The following SLC60A1 variants were observed in gnomAD, a reference collection of about 807,000 sequenced individuals.
SLC60A1 encodes the protein major facilitator superfamily domain containing 4.
chr1:205,599,211 GCTC>G, the SLC60A1 span: 1 of 1,614,032 alleles, frequency 6.2e-7, no homozygotes, highest in Admixed American at 1.7e-5. Context: ...TCTATATCTT[GCTC>G]CTGTTTTTCC....
At chr1:205,600,560 A>G in the SLC60A1 span, 132 of 1,174,552 alleles carry the variant, frequency 1.1e-4, no homozygotes, top group Non-Finnish European at 1.6e-4. Flanking sequence ...CGCTCTCTCA[A>G]TGGCTATTCA....
chr1:205,569,399 G>A, the SLC60A1 span: 3 of 802,468 alleles, frequency 3.7e-6, no homozygotes, highest in Non-Finnish European at 4.9e-6. Context: ...CTCTCCCCCG[G>A]CCCCGTGGGG....
chr1:205,573,496 A>T, the SLC60A1 span, among the ~76,000 whole-genome samples: 1 of 152,166 alleles, frequency 6.6e-6, no homozygotes, highest in Admixed American at 6.5e-5. Flanking sequence ...AGATACTGAC[A>T]CATGCTATAC....
At chr1:205,600,535 GGGT>G in the SLC60A1 span, 1 of 1,500,112 alleles carries the variant, frequency 6.7e-7, no homozygotes. Flanking sequence ...TCAGAAAGCT[GGGT>G]GGTGGTGGAG....
chr1:205,579,792 C>A, the SLC60A1 span: 4 of 1,614,180 alleles, frequency 2.5e-6, no homozygotes, highest in Non-Finnish European at 3.4e-6. Context: ...TCCTCTCTGG[C>A]CATCTCCCTG....
At chr1:205,584,258 G>T in the SLC60A1 span, 4 of 1,035,790 alleles carry the variant, frequency 3.9e-6, no homozygotes, top group African/African-American at 1.8e-5. Context: ...TTTCACTCTC[G>T]TCGCCCAGGC....
chr1:205,592,108 A>G, the SLC60A1 span: 1 of 1,611,856 alleles, frequency 6.2e-7, no homozygotes, highest in Non-Finnish European at 8.5e-7. Flanking sequence ...GCTTTTCGCA[A>G]TTCCTAACCG....
At chr1:205,575,138 G>A in the SLC60A1 span, among the ~76,000 whole-genome samples, 2 of 152,128 alleles carry the variant, frequency 1.3e-5, no homozygotes, top group Non-Finnish European at 2.9e-5. Flanking sequence ...CTTGTCTACT[G>A]GTTTCTTGTC....
chr1:205,597,807 G>A, the SLC60A1 span: 1 of 1,614,048 alleles, frequency 6.2e-7, no homozygotes, highest in Non-Finnish European at 8.5e-7. Context: ...CTGGTGACAG[G>A]GGCAGGAGTT....
chr1:205,584,190 CAG>C, the SLC60A1 span: 1 of 1,463,290 alleles, frequency 6.8e-7, no homozygotes, highest in Non-Finnish European at 9.2e-7. Context: ...ACCCCTCTCC[CAG>C]AGAGAGTGAA....
At chr1:205,569,332 G>A in the SLC60A1 span, 1 of 1,427,966 alleles carries the variant, frequency 7.0e-7, no homozygotes, top group Non-Finnish European at 9.2e-7. Context: ...CCCGCCCCGC[G>A]GCCCCCGGCA....
chr1:205,579,461 A>G, the SLC60A1 span: 1 of 564,284 alleles, frequency 1.8e-6, no homozygotes, highest in Non-Finnish European at 3.2e-6. Flanking sequence ...ATTGCTTTTA[A>G]GTAAACAATT....
the SLC60A1 span, among the ~76,000 whole-genome samples, chr1:205,570,067 C>A: frequency 1.3e-5 from 2 of 152,176 alleles, no homozygotes; most frequent in Non-Finnish European, 2.9e-5. Context: ...CCCACCTCAT[C>A]CTACTCCTGC....
At chr1:205,601,002 G>A in the SLC60A1 span, 1 of 152,306 alleles carries the variant, frequency 6.6e-6, no homozygotes, top group Non-Finnish European at 1.5e-5. Flanking sequence ...AACACCAAAA[G>A]GAAAAGTTGA....
At chr1:205,593,486 C>A in the SLC60A1 span, among the ~76,000 whole-genome samples, 2 of 147,152 alleles carry the variant, frequency 1.4e-5, no homozygotes, top group African/African-American at 5.0e-5. Context: ...TGAGCGATTT[C>A]TTTAGAGAGG....
the SLC60A1 span, chr1:205,597,877 G>A: frequency 1.2e-6 from 2 of 1,609,014 alleles, no homozygotes; most frequent in Non-Finnish European, 1.7e-6. Context: ...AAGGGAGAGG[G>A]GAGCATTTGG....
At chr1:205,576,745 T>A in the SLC60A1 span, among the ~76,000 whole-genome samples, 1 of 152,176 alleles carries the variant, frequency 6.6e-6, no homozygotes, top group Non-Finnish European at 1.5e-5. Flanking sequence ...AGAAATTTGT[T>A]CAGGCTGATG....
At chr1:205,586,142 G>C in the SLC60A1 span, 12 of 1,613,784 alleles carry the variant, frequency 7.4e-6, no homozygotes, top group Non-Finnish European at 9.3e-6. Flanking sequence ...CATCACACTG[G>C]GCCGGCTCCT....
At chr1:205,595,686 A>G in the SLC60A1 span, among the ~76,000 whole-genome samples, 1 of 152,192 alleles carries the variant, frequency 6.6e-6, no homozygotes, top group Admixed American at 6.5e-5. Context: ...CATCTGTAAA[A>G]TGGGGATGCA....
Sources: gnomAD v4.1 joint callset for allele counts (sites outside exome capture counted in the v4.1 genomes callset) on GRCh38, gnomAD v4.1.1 for gene constraint, MANE v1.5 for transcripts, NCBI Gene and HGNC (gene_info 2026-07-23, HGNC 2026-07-21) for gene names.